The following SLC30A8 variants were observed in gnomAD, a reference collection of about 807,000 sequenced individuals.
SLC30A8 encodes the protein proton-coupled zinc antiporter SLC30A8.
Under a neutral mutation model 36.9 loss-of-function variants are expected in SLC30A8, and 27 were observed. The ratio of observed to expected loss-of-function variants is 0.73; its 90% CI spans 0.54 to 1.01. The LOEUF is 1.01. Among genes scored for constraint, SLC30A8 ranks in the 50% least tolerant of loss-of-function variants. The probability of loss-of-function intolerance (pLI) is 0.00; values close to 1 mark genes in which losing one functional copy is unlikely to be tolerated. For synonymous variants in SLC30A8, 164 were observed against 172.4 expected (o/e 0.95, Z 0.38); for missense variants, 439 against 452.0 (o/e 0.97, Z 0.26).
chr8:116,966,847 A>G (rs940350504), intron 1 of SLC30A8, among the ~76,000 whole-genome samples: 1 of 152,212 alleles, frequency 6.6e-6, no homozygotes, highest in Admixed American at 6.5e-5. Context: ...TGGCAATGGA[A>G]TTGAATCTCA....
chr8:116,999,948 A>G (rs1242943038), intron 1 of SLC30A8, among the ~76,000 whole-genome samples: 1 of 152,182 alleles, frequency 6.6e-6, no homozygotes, highest in Non-Finnish European at 1.5e-5. Context: ...TTCATGAGAA[A>G]GTAGGTCCCA....
chr8:117,059,833 G>A lies in SLC30A8; in HGVS notation c.-226+20575G>A, dbSNP rs534711241. 5.9e-5 allele frequency among the ~76,000 whole-genome samples: 9 copies of A among 152,284 alleles called. No homozygotes were observed. The South Asian group carries it at 1.7e-3, about 28-fold the overall frequency. ...ATTGGGGCGTGTTTTGGGATGATTA[G>A]TTTGGTAGCTGTGAGTAGGATGGAT... is the stretch of plus-strand genomic sequence containing the variant. On this transcript the variant is annotated intron_variant, in intron 2 of 10. Transcript: ENST00000427715.
At chr8:117,043,457 A>G (rs1371967405) in intron 2 of SLC30A8, among the ~76,000 whole-genome samples, 1 of 152,252 alleles carries the variant, frequency 6.6e-6, no homozygotes, top group African/African-American at 2.4e-5. Flanking sequence ...GAATAATCAC[A>G]AAAGTGAGAG....
rs1231255173 is a variant in SLC30A8 at position 117,173,303 on chromosome 8, C to T, written c.*622C>T. The T allele has an allele frequency of 6.6e-6, 1 of 152,138 alleles. No individual in the cohort carries two copies. Among genetic ancestry groups the T allele is most frequent in the Non-Finnish European group, 1.5e-5 (1 of 68,054 alleles). 9.4% of individuals were successfully genotyped at this position (152,138 alleles called of 1,614,324 possible). A position where few individuals can be genotyped will look rare whatever the true frequency, so the allele number is the denominator to read the frequency against. ...AATCCCTCTTATTTCTAAATTCTAACTTGTTTATTTCAAAACTTTATATAA... is the reference window on the plus strand; with the variant it reads ...AATCCCTCTTATTTCTAAATTCTAATTTGTTTATTTCAAAACTTTATATAA... On this transcript the variant is annotated 3_prime_UTR_variant, in exon 8 of 8. Coordinates refer to ENST00000456015, the MANE Select transcript of SLC30A8 (RefSeq NM_173851.3).
intron 1 of SLC30A8, among the ~76,000 whole-genome samples, chr8:116,993,668 A>T (rs1054579200): frequency 4.6e-5 from 7 of 152,082 alleles, no homozygotes; most frequent in African/African-American, 1.7e-4. Context: ...AAAAAAGAAT[A>T]AAATGAACAT....
chr8:117,009,409 T>C (rs1816275073), intron 1 of SLC30A8, among the ~76,000 whole-genome samples: 1 of 152,234 alleles, frequency 6.6e-6, no homozygotes, highest in Non-Finnish European at 1.5e-5. Context: ...TGAACTTGAA[T>C]TGCCCTTCAA....
At chr8:117,007,437 A>C (rs1441536640) in intron 1 of SLC30A8, among the ~76,000 whole-genome samples, 2 of 152,190 alleles carry the variant, frequency 1.3e-5, no homozygotes, top group Non-Finnish European at 2.9e-5. Context: ...TAGAATTGGA[A>C]AACTGCCCTT....
At chr8:117,126,654 G>A (rs971349101) in intron 2 of SLC30A8, among the ~76,000 whole-genome samples, 1 of 151,922 alleles carries the variant, frequency 6.6e-6, no homozygotes, top group Admixed American at 6.6e-5. Context: ...TGAAGAACTG[G>A]GGAGACAACA....
chr8:117,153,237 G>T lies in SLC30A8; in HGVS notation c.418+147G>T, dbSNP rs116818491. 42 of 733,100 alleles carry T rather than the reference G, an allele frequency of 5.7e-5. No individual in the cohort carries two copies. In the African/African-American group the frequency reaches 7.4e-4, roughly 13 times the overall value. 45.4% of individuals were successfully genotyped at this position (733,100 alleles called of 1,614,324 possible). A position where few individuals can be genotyped will look rare whatever the true frequency, so the allele number is the denominator to read the frequency against. ...CAGGATAAAACAAATGTGTATGTGG[G>T]AATGTGTGTTTTCAATATTAATTCA... On this transcript the variant is annotated intron_variant, in intron 3 of 7. Transcript: ENST00000456015.
intron 2 of SLC30A8, among the ~76,000 whole-genome samples, chr8:117,108,815 T>C (rs1820105898): frequency 6.6e-6 from 1 of 152,226 alleles, no homozygotes; most frequent in South Asian, 2.1e-4. Context: ...AATGTTCTTA[T>C]CTATTCCACT....
intron 1 of SLC30A8, among the ~76,000 whole-genome samples, chr8:116,964,836 GT>G: frequency 6.6e-6 from 1 of 152,322 alleles, no homozygotes; most frequent in East Asian, 1.9e-4. Flanking sequence ...TTGGGAAAGA[GT>G]TTTAAAAGTA....
chr8:117,015,540 C>G (rs1285028690), intron 1 of SLC30A8, among the ~76,000 whole-genome samples: 1 of 148,082 alleles, frequency 6.8e-6, no homozygotes, highest in Non-Finnish European at 1.5e-5. Context: ...TTATGCACCC[C>G]CCCCCCCCAA....
At chr8:117,003,602 T>C (rs949539390) in intron 1 of SLC30A8, among the ~76,000 whole-genome samples, 2 of 152,116 alleles carry the variant, frequency 1.3e-5, no homozygotes, top group Admixed American at 6.6e-5. Context: ...ATAGAGAAAA[T>C]AGGCACTATG....
rs114332237 is a variant in SLC30A8, at chr8:117,082,215, G to A, written c.-226+42957G>A. Among the ~76,000 whole-genome samples, 498 of 152,238 alleles carry A rather than the reference G, an allele frequency of 3.3e-3. 3 individuals carry two copies. Among genetic ancestry groups the A allele is most frequent in the African/African-American group, 8.8e-3 (364 of 41,544 alleles). On this transcript the variant is annotated intron_variant, in intron 2 of 10. Transcript: ENST00000427715. ...GTGTCCAAGGACTAATACCATGTAT[G>A]CAGTGATCCATACCCTGCTTTAATT... is the stretch of plus-strand genomic sequence containing the variant.
intron 2 of SLC30A8, among the ~76,000 whole-genome samples, chr8:117,094,562 G>A (rs1360413495): frequency 6.6e-6 from 1 of 152,186 alleles, no homozygotes; most frequent in African/African-American, 2.4e-5. Context: ...TGGCTGAGTT[G>A]GAGCTTTTAT....
intron 1 of SLC30A8, among the ~76,000 whole-genome samples, chr8:116,953,183 G>A (rs1368582410): frequency 1.3e-5 from 2 of 152,178 alleles, no homozygotes; most frequent in Non-Finnish European, 2.9e-5. Flanking sequence ...CTGCATCCAT[G>A]TTGCTGCAAG....
At chr8:117,079,441 C>T (rs997391411) in intron 2 of SLC30A8, among the ~76,000 whole-genome samples, 1 of 152,182 alleles carries the variant, frequency 6.6e-6, no homozygotes, top group African/African-American at 2.4e-5. Context: ...CAAGTAGCCC[C>T]TGTGTCTCAG....
At chr8:117,067,923 C>T (rs1037425722) in intron 2 of SLC30A8, among the ~76,000 whole-genome samples, 9 of 152,268 alleles carry the variant, frequency 5.9e-5, no homozygotes, top group African/African-American at 2.2e-4. Flanking sequence ...ATGGAGTATT[C>T]TAAATTGACT....
chr8:117,111,982 G>C (rs1820246560), intron 2 of SLC30A8, among the ~76,000 whole-genome samples: 1 of 152,068 alleles, frequency 6.6e-6, no homozygotes, highest in Non-Finnish European at 1.5e-5. Flanking sequence ...GGTACCCCAA[G>C]TCATCTAAGA....
Sources: gnomAD v4.1 joint callset for allele counts (sites outside exome capture counted in the v4.1 genomes callset) on GRCh38, gnomAD v4.1.1 for gene constraint, MANE v1.5 for transcripts, NCBI Gene and HGNC (gene_info 2026-07-23, HGNC 2026-07-21) for gene names.